MB21D2: variants seen among roughly 807,000 people sequenced by gnomAD.
MB21D2 encodes nucleotidyltransferase MB21D2.
MB21D2 carries 9 observed loss-of-function variants against 33.3 expected under a neutral mutation model. The observed-to-expected ratio is 0.27, with a 90% CI of 0.16 to 0.47. The LOEUF is 0.47. MB21D2 is among the 20% of genes least tolerant of loss of function. The probability of loss-of-function intolerance (pLI) is 0.99; values close to 1 mark genes in which losing one functional copy is unlikely to be tolerated. For synonymous variants in MB21D2, 241 were observed against 236.3 expected, an observed-to-expected ratio of 1.02 and a Z score of -0.18; for missense variants, 540 against 624.6, an observed-to-expected ratio of 0.86 and a Z score of 1.44.
chr3:192,916,079 A>G (rs1370407947), intron 1 of MB21D2, among the ~76,000 whole-genome samples: 1 of 145,208 alleles, frequency 6.9e-6, no homozygotes, highest in Non-Finnish European at 1.5e-5. Context: ...TCCCTGTGGA[A>G]GCTCACTCCT....
intron 1 of MB21D2, among the ~76,000 whole-genome samples, chr3:192,909,936 C>CAAAAAAA (rs61613458): frequency 1.5e-4 from 8 of 52,806 alleles, no homozygotes; most frequent in Admixed American, 9.7e-4. Context: ...GACTCTGTCT[C>CAAAAAAA]AAAAAAAAAA....
chr3:192,902,041 A>G (rs962017092), intron 1 of MB21D2, among the ~76,000 whole-genome samples: 2 of 152,338 alleles, frequency 1.3e-5, no homozygotes, highest in Non-Finnish European at 2.9e-5. Context: ...AGGAGGCTGT[A>G]GATAGGATGA....
intron 1 of MB21D2, among the ~76,000 whole-genome samples, chr3:192,843,904 C>T (rs1215219109): frequency 6.6e-6 from 1 of 152,122 alleles, no homozygotes; most frequent in East Asian, 1.9e-4. Context: ...GACAAGGAGC[C>T]TCTTGAAACG....
chr3:192,853,030 C>G (rs1297483213), intron 1 of MB21D2, among the ~76,000 whole-genome samples: 1 of 54,478 alleles, frequency 1.8e-5, no homozygotes, highest in Non-Finnish European at 3.7e-5. Context: ...CTCTCTCTGT[C>G]TCTCTCTCTC....
At chr3:192,830,749 A>T (rs1202324799) in intron 1 of MB21D2, among the ~76,000 whole-genome samples, 1 of 152,230 alleles carries the variant, frequency 6.6e-6, no homozygotes, top group Non-Finnish European at 1.5e-5. Context: ...GAGCAAAGGC[A>T]TCATCTGCTC....
chr3:192,848,234 C>T (rs928837122), intron 1 of MB21D2, among the ~76,000 whole-genome samples: 1 of 152,184 alleles, frequency 6.6e-6, no homozygotes, highest in African/African-American at 2.4e-5. Flanking sequence ...TTTCAGCCTG[C>T]CAGTTAAATG....
intron 1 of MB21D2, among the ~76,000 whole-genome samples, chr3:192,846,896 G>A (rs560918006): frequency 3.3e-5 from 5 of 152,218 alleles, no homozygotes; most frequent in African/African-American, 7.2e-5. Context: ...GCAGCTGCAC[G>A]CATGGGCACC....
At chr3:192,835,839 G>A (rs62293202) in intron 1 of MB21D2, among the ~76,000 whole-genome samples, 5 of 149,988 alleles carry the variant, frequency 3.3e-5, no homozygotes, top group African/African-American at 1.2e-4. Context: ...AAGAAAGATT[G>A]GGGGAAAAAA....
At chr3:192,876,445 T>C (rs1713429317) in intron 1 of MB21D2, among the ~76,000 whole-genome samples, 2 of 152,260 alleles carry the variant, frequency 1.3e-5, no homozygotes, top group African/African-American at 2.4e-5. Context: ...CCTGGATTAC[T>C]GCAACAATCC....
chr3:192,904,365 A>G (rs1425292326), intron 1 of MB21D2, among the ~76,000 whole-genome samples: 1 of 152,206 alleles, frequency 6.6e-6, no homozygotes, highest in Non-Finnish European at 1.5e-5. Context: ...ATCAGAGGCG[A>G]TAAGTTGATA....
At chr3:192,837,461 G>A (rs1015529623) in intron 1 of MB21D2, among the ~76,000 whole-genome samples, 2 of 152,162 alleles carry the variant, frequency 1.3e-5, no homozygotes, top group East Asian at 1.9e-4. Flanking sequence ...GCAGCTCAAG[G>A]GGAGAACGAG....
At chr3:192,849,325 GGCGGGGGGTGGGGGT>G (rs1712741007) in intron 1 of MB21D2, among the ~76,000 whole-genome samples, 1 of 131,518 alleles carries the variant, frequency 7.6e-6, no homozygotes, top group Non-Finnish European at 1.7e-5. Flanking sequence ...TTGGGGGGGG[GGCGGGGGGTGGGGGT>G]GGAGTCTCGC....
At chr3:192,854,513 C>T (rs946875680) in intron 1 of MB21D2, among the ~76,000 whole-genome samples, 1 of 152,186 alleles carries the variant, frequency 6.6e-6, no homozygotes, top group Non-Finnish European at 1.5e-5. Flanking sequence ...CCAGTGCTGC[C>T]GTGGAAGCTG....
intron 1 of MB21D2, among the ~76,000 whole-genome samples, chr3:192,838,062 C>T (rs1440345441): frequency 2.0e-5 from 3 of 152,234 alleles, no homozygotes; most frequent in Admixed American, 6.5e-5. Context: ...CATGAAGCTG[C>T]GGCAACATCA....
intron 1 of MB21D2, among the ~76,000 whole-genome samples, chr3:192,896,693 C>T (rs1249298470): frequency 1.3e-5 from 2 of 152,222 alleles, no homozygotes; most frequent in Non-Finnish European, 2.9e-5. Flanking sequence ...GGCCCAGTAT[C>T]TTGTTAGCAG....
At position 192,808,747 on chromosome 3, in the gene MB21D2, G is replaced by T. The variant is rs552072712; in HGVS notation, c.212-9097C>A. On this transcript the variant is annotated intron_variant, in intron 1 of 1. Transcript: ENST00000392452. ...ATCCAGTGTGGGCCCAGTCACAGTG[G>T]CTGTAAGAAGACCATAATCTGAGCA... 1.4e-4 allele frequency among the ~76,000 whole-genome samples: 22 copies of T among 152,330 alleles called. 1 individual carries two copies. The South Asian group carries it at 4.6e-3, about 32-fold the overall frequency.
chr3:192,826,860 T>C (rs942357728), intron 1 of MB21D2, among the ~76,000 whole-genome samples: 1 of 151,888 alleles, frequency 6.6e-6, no homozygotes, highest in South Asian at 2.1e-4. Flanking sequence ...TCACTCAGCA[T>C]CCCAATTTTG....
Position 192,798,345 on chromosome 3 carries a change from T to A in MB21D2, c.*41A>T. 6.3e-7 allele frequency: 1 copy of A among 1,592,268 alleles called. No homozygotes were observed. On this transcript the variant is annotated 3_prime_UTR_variant, in exon 2 of 2. Transcript: ENST00000392452. This position sits in a 1 kb window ranked among gnomAD's most constrained non-coding sequence, Gnocchi z 4.8. ...GCATCACAAACCACACGACACATTA[T>A]CAGAGTTTAAGAATCAGGAAAAAAA...
At chr3:192,888,999 T>C (rs1034821436) in intron 1 of MB21D2, among the ~76,000 whole-genome samples, 7 of 152,002 alleles carry the variant, frequency 4.6e-5, no homozygotes, top group African/African-American at 1.7e-4. Flanking sequence ...ATGCCCCTTA[T>C]GGTTCACATA....
Sources: allele counts gnomAD v4.1 joint callset (sites outside exome capture counted in the v4.1 genomes callset), GRCh38; gene constraint gnomAD v4.1.1; non-coding constraint Gnocchi (gnomAD v3.1); transcripts MANE v1.5; gene names NCBI Gene and HGNC (gene_info 2026-07-23, HGNC 2026-07-21).